The following DOCK5 variants were observed in gnomAD, a reference collection of about 807,000 sequenced individuals.
The protein encoded by DOCK5 is dedicator of cytokinesis protein 5.
In DOCK5, 142 loss-of-function variants were observed where a neutral mutation model predicts 251.8. That is an observed-to-expected ratio of 0.56 (90% CI 0.49 to 0.65). DOCK5 has a LOEUF of 0.65. Among genes scored for constraint, DOCK5 ranks in the 30% least tolerant of loss-of-function variants. DOCK5 has a pLI of 0.00. For missense variants in DOCK5, 2,111 were observed against 2,312.3 expected (o/e 0.91, Z 1.79); for synonymous variants, 842 against 835.5 (o/e 1.01, Z -0.13).
intron 40 of DOCK5, 142 bp downstream of exon 40, chr8:25,382,920 C>A: frequency 1.5e-6 from 1 of 658,618 alleles, no homozygotes; most frequent in Non-Finnish European, 2.6e-6. Context: ...ACTTCCTGAG[C>A]AGCCGGCCTC....
At chr8:25,223,097 A>G (rs1490238758) in intron 1 of DOCK5, among the ~76,000 whole-genome samples, 1 of 152,178 alleles carries the variant, frequency 6.6e-6, no homozygotes, top group African/African-American at 2.4e-5. Flanking sequence ...TCAGTCCCAT[A>G]AATAAAGTAC....
At chr8:25,332,733 C>T (rs757436596) in intron 20 of DOCK5, 41 bp downstream of exon 20, 1 of 1,470,148 alleles carries the variant, frequency 6.8e-7, no homozygotes, top group East Asian at 2.3e-5. Flanking sequence ...ATTGTTGCAA[C>T]TTTGTAGTTT....
rs376365386 is a variant in DOCK5 at position 25,323,809 on chromosome 8, C to G, written c.1616-39C>G. On this transcript the variant is annotated intron_variant, in intron 16 of 51. Transcript: ENST00000276440. ...TGTCATAGCCATCGCCTCCTGGTGT[C>G]TCTCTGCACTGCTCAGACATGTCTT... 5.6e-6 allele frequency: 9 copies of G among 1,595,978 alleles called. No individual in the cohort carries two copies. The South Asian group carries it at 1.0e-4, about 18-fold the overall frequency.
At chr8:25,339,017 T>C (rs755570744) in intron 22 of DOCK5, among the ~76,000 whole-genome samples, 30 of 152,158 alleles carry the variant, frequency 2.0e-4, no homozygotes, top group Non-Finnish European at 4.0e-4. Flanking sequence ...CTGTCTGTGA[T>C]GGCCTGCGTG....
intron 9 of DOCK5, among the ~76,000 whole-genome samples, chr8:25,301,593 G>A (rs116552467): frequency 0.019 from 2,922 of 151,766 alleles, 99 homozygotes; most frequent in African/African-American, 0.065. Context: ...GGCTGGGCGC[G>A]GTGGCTCATG....
chr8:25,207,283 A>G (rs1278433278), intron 1 of DOCK5, among the ~76,000 whole-genome samples: 1 of 152,254 alleles, frequency 6.6e-6, no homozygotes, highest in Non-Finnish European at 1.5e-5. Flanking sequence ...GTGCTGATAT[A>G]GAAGCTGTGG....
intron 22 of DOCK5, among the ~76,000 whole-genome samples, chr8:25,339,121 A>G (rs1293777521): frequency 6.6e-6 from 1 of 152,160 alleles, no homozygotes; most frequent in African/African-American, 2.4e-5. Context: ...TTTAATGGTC[A>G]CTTCAGTGCA....
At chr8:25,230,213 A>G (rs1231544058) in intron 1 of DOCK5, among the ~76,000 whole-genome samples, 1 of 152,172 alleles carries the variant, frequency 6.6e-6, no homozygotes, top group African/African-American at 2.4e-5. Context: ...AGGCTCACAT[A>G]TAGTAATGCA....
intron 50 of DOCK5, 143 bp from the exon 51 acceptor site, chr8:25,409,956 C>T (rs112199392): frequency 4.1e-5 from 27 of 662,548 alleles, no homozygotes; most frequent in African/African-American, 2.9e-4. Context: ...AAGTCTTCTT[C>T]GTTCTATCCG....
chr8:25,363,403 T>A (rs993474633), intron 29 of DOCK5, among the ~76,000 whole-genome samples: 5 of 152,206 alleles, frequency 3.3e-5, no homozygotes, highest in African/African-American at 1.2e-4. Context: ...TCCTCAACTC[T>A]CCACTGCACC....
At chr8:25,389,809 A>G (rs1180935202) in intron 41 of DOCK5, among the ~76,000 whole-genome samples, 1 of 152,208 alleles carries the variant, frequency 6.6e-6, no homozygotes, top group African/African-American at 2.4e-5. Context: ...GGCACTGGAT[A>G]AACAGACGGG....
At chr8:25,350,844 C>T (rs1451384152) in intron 26 of DOCK5, among the ~76,000 whole-genome samples, 1 of 152,178 alleles carries the variant, frequency 6.6e-6, no homozygotes, top group African/African-American at 2.4e-5. Flanking sequence ...TTCATTACAT[C>T]TCAAGAGCTG....
intron 4 of DOCK5, 132 bp from the exon 5 acceptor site, chr8:25,278,437 C>A: frequency 1.3e-6 from 1 of 769,540 alleles, no homozygotes; most frequent in Non-Finnish European, 2.2e-6. Context: ...CGATAAAGTC[C>A]CCTGCACAAC....
chr8:25,226,603 C>CGA lies in DOCK5; in HGVS notation c.44-17063_44-17062dup, dbSNP rs148665437. On this transcript the variant is annotated intron_variant, in intron 1 of 51. Transcript: ENST00000276440. ...TTTTAATTTTAAGTTTTTTTTTTTT[C>CGA]GAGAGAGAGTCTCGCTGTGTTCCCC... is the stretch of plus-strand genomic sequence containing the variant. Among the ~76,000 whole-genome samples the CGA allele has an allele frequency of 1.7e-3, 242 of 142,896 alleles. 1 individual carries two copies. Among genetic ancestry groups the CGA allele is most frequent in the Admixed American group, 1.9e-3 (27 of 14,110 alleles). The allele number at this position is 142,896 out of a possible 152,430, so 93.7% of individuals were successfully genotyped here. A position where few individuals can be genotyped will look rare whatever the true frequency, so the allele number is the denominator to read the frequency against.
intron 13 of DOCK5, among the ~76,000 whole-genome samples, chr8:25,316,464 G>C (rs1164421530): frequency 1.3e-5 from 2 of 152,176 alleles, no homozygotes; most frequent in East Asian, 1.9e-4. Flanking sequence ...CTGGGCAACA[G>C]AGCAAGATCA....
At chr8:25,340,193 A>G (rs906836023) in intron 22 of DOCK5, among the ~76,000 whole-genome samples, 6 of 152,208 alleles carry the variant, frequency 3.9e-5, no homozygotes, top group African/African-American at 1.4e-4. Flanking sequence ...CTACATTGCA[A>G]ATAAAGTTCT....
intron 1 of DOCK5, among the ~76,000 whole-genome samples, chr8:25,202,353 G>T (rs1801901823): frequency 6.6e-6 from 1 of 152,178 alleles, no homozygotes; most frequent in South Asian, 2.1e-4. Flanking sequence ...ATCTCTGGGT[G>T]ATGGGACTGT....
At chr8:25,228,287 T>C (rs1358895377) in intron 1 of DOCK5, among the ~76,000 whole-genome samples, 1 of 152,232 alleles carries the variant, frequency 6.6e-6, no homozygotes, top group Non-Finnish European at 1.5e-5. Context: ...ATGGCAATTT[T>C]ATCAGTAACT....
At chr8:25,364,526 G>A in intron 29 of DOCK5, 100 bp from the exon 30 acceptor site, 1 of 807,128 alleles carries the variant, frequency 1.2e-6, no homozygotes, top group Non-Finnish European at 2.1e-6. Context: ...GTCTTATGAT[G>A]CCAAGTTCAG....
Sources: allele counts gnomAD v4.1 joint callset (sites outside exome capture counted in the v4.1 genomes callset), GRCh38; gene constraint gnomAD v4.1.1; transcripts MANE v1.5; gene names NCBI Gene and HGNC (gene_info 2026-07-23, HGNC 2026-07-21).